Variants in DNAI4 observed in about 807,000 individuals in gnomAD.
DNAI4 encodes the protein WD repeat domain 78.
A neutral mutation model predicts 105.8 loss-of-function variants in DNAI4; 85 were observed. The ratio of observed to expected loss-of-function variants is 0.80; its 90% CI spans 0.67 to 0.96. DNAI4 has a LOEUF of 0.96. DNAI4 is among the 40% of genes least tolerant of loss of function. DNAI4 has a pLI of 0.00. For synonymous variants in DNAI4, 352 were observed against 331.5 expected, an observed-to-expected ratio of 1.06 and a Z score of -0.67; for missense variants, 1,014 against 1,005.6, an observed-to-expected ratio of 1.01 and a Z score of -0.11.
chr1:66,867,628 G>T (rs948662265), intron 6 of DNAI4, among the ~76,000 whole-genome samples: 4 of 151,912 alleles, frequency 2.6e-5, no homozygotes, highest in African/African-American at 9.7e-5. Context: ...AATTTTAGGA[G>T]CATTTCTGTG....
rs145528588 is a variant in DNAI4, at chr1:66,882,509, GCT to G, written c.644-7574_644-7573del. Among the ~76,000 whole-genome samples the G allele has an allele frequency of 4.0e-4, 60 of 150,502 alleles. 1 individual carries two copies. The Middle Eastern group carries it at 0.01, about 26-fold the overall frequency. ...AGTAAGATGTAAGGTCTGTGTCTAT[GCT>G]CTCTCTCTCTCTCTTTTTTTTTGCA... is the stretch of plus-strand genomic sequence containing the variant. On this transcript the variant is annotated intron_variant, in intron 4 of 16. Coordinates refer to ENST00000371026, the MANE Select transcript of DNAI4 (RefSeq NM_024763.5).
At chr1:66,914,832 CTAAT>C (rs545748157) in intron 1 of DNAI4, among the ~76,000 whole-genome samples, 103 of 152,130 alleles carry the variant, frequency 6.8e-4, no homozygotes, top group Non-Finnish European at 3.7e-4. Flanking sequence ...TAAAAGAGCT[CTAAT>C]TAATTGGCTT....
In DNAI4 at chr1:66,847,517, G is replaced by A; in HGVS notation, c.1258C>T (p.Leu420Phe). The change falls in exon 8 of 17, where the codon CTT becomes TTT. Residue 420 changes from leucine (L) to phenylalanine (F), a missense_variant. Coordinates refer to ENST00000371026, the MANE Select transcript of DNAI4 (RefSeq NM_024763.5). ...ACAGGAAGCTGACGATAAGCTGCAA[G>A]TTTGGGCTGAAATATATTTTCCATC... Reference protein sequence around the residue: ...VLMENIFQPKLAAYRQLPVLK... With the variant: ...VLMENIFQPKFAAYRQLPVLK... 6.2e-7 allele frequency: 1 copy of A among 1,613,356 alleles called. No homozygotes were observed. The highest frequency in any genetic ancestry group is 8.5e-7 in the Non-Finnish European group (1 of 1,179,844).
At chr1:66,849,131 C>T (rs1422556378) in intron 7 of DNAI4, among the ~76,000 whole-genome samples, 1 of 152,230 alleles carries the variant, frequency 6.6e-6, no homozygotes, top group Non-Finnish European at 1.5e-5. Flanking sequence ...CCTCTTCCCA[C>T]TGGAGTAGTC....
intron 15 of DNAI4, among the ~76,000 whole-genome samples, chr1:66,823,584 T>G (rs1166080053): frequency 6.7e-6 from 1 of 149,054 alleles, no homozygotes; most frequent in Non-Finnish European, 1.5e-5. Context: ...TTTCCTGACT[T>G]TTTAATGACT....
In DNAI4 at chr1:66,890,883, A is replaced by C. The variant is rs202015415; in HGVS notation, c.643+271T>G. Reference sequence around the variant, plus strand: ...GAGGAAGAGGAAGAAGAAGAAGAAGAAGCAGAAGCAGCAGCAGCAACAGCA... The same window carrying C: ...GAGGAAGAGGAAGAAGAAGAAGAAGCAGCAGAAGCAGCAGCAGCAACAGCA... On this transcript the variant is annotated intron_variant, in intron 4 of 16. Coordinates refer to ENST00000371026, the MANE Select transcript of DNAI4 (RefSeq NM_024763.5). The surrounding 1 kb of genome is among the most constrained non-coding windows in gnomAD (Gnocchi z 4.1). 26 of 479,068 alleles carry C rather than the reference A, an allele frequency of 5.4e-5. No individual in the cohort carries two copies. Among genetic ancestry groups the C allele is most frequent in the East Asian group, 3.6e-4 (8 of 22,436 alleles). The allele number at this position is 479,068 out of a possible 1,614,324, so 29.7% of individuals were successfully genotyped here. A position where few individuals can be genotyped will look rare whatever the true frequency, so the allele number is the denominator to read the frequency against.
At chr1:66,832,891 G>A (rs1158467456) in intron 13 of DNAI4, among the ~76,000 whole-genome samples, 2 of 152,106 alleles carry the variant, frequency 1.3e-5, no homozygotes, top group Non-Finnish European at 2.9e-5. Flanking sequence ...TTTGATGCTT[G>A]GTAAACATGA....
chr1:66,840,693 AG>A, intron 8 of DNAI4, 22 bp from the exon 9 acceptor site: 1 of 1,613,266 alleles, frequency 6.2e-7, no homozygotes, highest in South Asian at 1.1e-5. Context: ...ACAAATAAAA[AG>A]ATCATTGTCC....
intron 14 of DNAI4, among the ~76,000 whole-genome samples, chr1:66,827,460 C>A (rs769829137): frequency 4.0e-5 from 6 of 151,854 alleles, no homozygotes; most frequent in Non-Finnish European, 8.8e-5. Context: ...AGTTCAAGGT[C>A]AGCCTGGGTA....
intron 7 of DNAI4, among the ~76,000 whole-genome samples, chr1:66,851,259 A>T (rs1322044615): frequency 6.6e-6 from 1 of 151,948 alleles, no homozygotes; most frequent in Non-Finnish European, 1.5e-5. Flanking sequence ...ATATAGCAAC[A>T]TTATGTCATG....
chr1:66,828,376 G>A (rs1645798077), intron 13 of DNAI4: 1 of 152,046 alleles, frequency 6.6e-6, no homozygotes, highest in Admixed American at 6.5e-5. Flanking sequence ...TCCCAAATTG[G>A]TATTACCAAT....
intron 13 of DNAI4, among the ~76,000 whole-genome samples, chr1:66,828,871 G>A (rs145148329): frequency 3.2e-4 from 49 of 152,148 alleles, no homozygotes; most frequent in African/African-American, 1.2e-3. Flanking sequence ...GATAGAAATC[G>A]AATTCCTTTT....
chr1:66,848,192 T>C (rs977622818), intron 7 of DNAI4: 1 of 456,234 alleles, frequency 2.2e-6, no homozygotes, highest in East Asian at 6.9e-5. Context: ...AGAATTTGTT[T>C]CCTTGATTTT....
intron 15 of DNAI4, among the ~76,000 whole-genome samples, chr1:66,823,898 A>T (rs962162708): frequency 2.0e-5 from 3 of 150,258 alleles, no homozygotes; most frequent in Non-Finnish European, 3.0e-5. Flanking sequence ...TGCTGTGCAG[A>T]AGCTCTTTAG....
At chr1:66,858,549 AAT>A (rs1646554177) in intron 7 of DNAI4, among the ~76,000 whole-genome samples, 3 of 150,864 alleles carry the variant, frequency 2.0e-5, no homozygotes, top group East Asian at 1.9e-4. Flanking sequence ...AAAAAAAAAA[AAT>A]GCAAAAATCC....
intron 4 of DNAI4, among the ~76,000 whole-genome samples, chr1:66,877,709 C>T (rs1400491092): frequency 1.3e-5 from 2 of 152,144 alleles, no homozygotes; most frequent in African/African-American, 4.8e-5. Context: ...CACCACATTA[C>T]ATTTAGTCAT....
intron 13 of DNAI4, among the ~76,000 whole-genome samples, chr1:66,829,224 A>G (rs946530262): frequency 6.6e-6 from 1 of 152,248 alleles, no homozygotes; most frequent in Non-Finnish European, 1.5e-5. Context: ...AACCATACTA[A>G]TAATCAAACT....
chr1:66,860,546 C>T (rs1322005460), intron 7 of DNAI4, among the ~76,000 whole-genome samples: 1 of 151,762 alleles, frequency 6.6e-6, no homozygotes, highest in Non-Finnish European at 1.5e-5. Context: ...TCCCCTACTC[C>T]CTTGACTGGC....
intron 11 of DNAI4, 37 bp downstream of exon 11, chr1:66,835,589 C>A: frequency 6.3e-7 from 1 of 1,592,054 alleles, no homozygotes; most frequent in Non-Finnish European, 8.6e-7. Flanking sequence ...CCTGAAAAAG[C>A]ATGTATTATA....
Sources: allele counts gnomAD v4.1 joint callset (sites outside exome capture counted in the v4.1 genomes callset), GRCh38; gene constraint gnomAD v4.1.1; non-coding constraint Gnocchi (gnomAD v3.1); transcripts MANE v1.5; gene names NCBI Gene and HGNC (gene_info 2026-07-23, HGNC 2026-07-21).